Variants in PPP2R5C observed in about 807,000 individuals in gnomAD.
PPP2R5C encodes protein phosphatase 2 regulatory subunit B'gamma, also known as serine/threonine-protein phosphatase 2A 56 kDa regulatory subunit gamma isoform.
PPP2R5C carries 7 observed loss-of-function variants against 68.9 expected under a neutral mutation model. That is an observed-to-expected ratio of 0.10 (90% CI 0.06 to 0.19). The LOEUF (loss-of-function observed/expected upper bound fraction) is 0.19, where lower values mean the gene tolerates loss of function less well. Among genes scored for constraint, PPP2R5C ranks in the 10% least tolerant of loss-of-function variants. The probability of loss-of-function intolerance (pLI) is 1.00; values close to 1 mark genes in which losing one functional copy is unlikely to be tolerated. For missense variants in PPP2R5C, 348 were observed against 641.3 expected (o/e 0.54, Z 4.94); for synonymous variants, 210 against 222.2 (o/e 0.95, Z 0.49).
chr14:101,841,620 G>T (rs2041477776), intron 1 of PPP2R5C, among the ~76,000 whole-genome samples: 1 of 152,244 alleles, frequency 6.6e-6, no homozygotes, highest in South Asian at 2.1e-4. Context: ...AAAGGGGGTT[G>T]CCCACGGTCA....
At chr14:101,828,928 C>G (rs1263140667) in intron 1 of PPP2R5C, among the ~76,000 whole-genome samples, 1 of 152,182 alleles carries the variant, frequency 6.6e-6, no homozygotes, top group Non-Finnish European at 1.5e-5. Flanking sequence ...ATCCACCCGC[C>G]TCGGCTTCTC....
chr14:101,908,010 G>A (rs768527311), intron 10 of PPP2R5C, among the ~76,000 whole-genome samples: 1 of 152,210 alleles, frequency 6.6e-6, no homozygotes, highest in Non-Finnish European at 1.5e-5. Context: ...GAGTGAGGAT[G>A]ACTTTGGTTC....
rs187678652 is a variant in PPP2R5C, at chr14:101,864,022, A to G, written c.294+7137A>G. Among the ~76,000 whole-genome samples, 423 of 152,330 alleles carry G rather than the reference A, an allele frequency of 2.8e-3. 9 individuals are homozygous for G. The South Asian group carries it at 0.06, about 21-fold the overall frequency. On this transcript the variant is annotated intron_variant, in intron 2 of 13. Coordinates refer to ENST00000334743, the Ensembl canonical transcript of PPP2R5C. ...CATCCTCAGGCAAGCCAAAACTTCA[A>G]TAACTGTTTTGAATAATCGTCCTGC...
Position 101,906,586 on chromosome 14 carries a change from C to A in PPP2R5C, c.1151+57C>A. 6.6e-7 allele frequency: 1 copy of A among 1,524,014 alleles called. No individual in the cohort carries two copies. Among genetic ancestry groups the A allele is most frequent in the Non-Finnish European group, 8.9e-7 (1 of 1,126,636 alleles). The allele number at this position is 1,524,014 out of a possible 1,614,324, so 94.4% of individuals were successfully genotyped here. On this transcript the variant is annotated intron_variant, in intron 10 of 13. Coordinates refer to ENST00000334743, the Ensembl canonical transcript of PPP2R5C. This position sits in a 1 kb window ranked among gnomAD's most constrained non-coding sequence, Gnocchi z 4.0. ...TCATTTTAAAATATGGCACGTTTTA[C>A]TGCTACTTCAGTAAGAATAAATATC...
chr14:101,840,627 G>C (rs755210731), intron 1 of PPP2R5C, among the ~76,000 whole-genome samples: 11 of 151,734 alleles, frequency 7.2e-5, no homozygotes, highest in Admixed American at 6.6e-5. Context: ...AAACAGATTG[G>C]CCCCCCCATG....
intron 1 of PPP2R5C, among the ~76,000 whole-genome samples, chr14:101,831,396 C>T (rs942468054): frequency 6.6e-6 from 1 of 152,152 alleles, no homozygotes; most frequent in African/African-American, 2.4e-5. Context: ...AACTAGAAGC[C>T]AGTTAGGAGG....
At chr14:101,765,359 A>G (rs971117986) in intron 2 of PPP2R5C, 2 of 658,836 alleles carry the variant, frequency 3.0e-6, no homozygotes, top group Non-Finnish European at 5.5e-6. Flanking sequence ...TGACCCTTAA[A>G]TTTTATTATT....
chr14:101,900,048 G>A (rs1166007816), intron 8 of PPP2R5C, among the ~76,000 whole-genome samples: 1 of 151,520 alleles, frequency 6.6e-6, no homozygotes, highest in African/African-American at 2.4e-5. Context: ...CACCACACCA[G>A]GCTAATTTTT....
intron 2 of PPP2R5C, among the ~76,000 whole-genome samples, chr14:101,865,223 A>ACACT (rs1240517389): frequency 6.6e-6 from 1 of 152,204 alleles, no homozygotes; most frequent in Non-Finnish European, 1.5e-5. Flanking sequence ...ACTGTTGTTT[A>ACACT]CACTCACAAG....
chr14:101,924,996 C>A (rs2047219742), intron 13 of PPP2R5C, 145 bp from the exon 16 acceptor site: 8 of 893,474 alleles, frequency 9.0e-6, no homozygotes, highest in Admixed American at 4.5e-5. Context: ...ATAAGACCTA[C>A]GCCGTTTCCC....
chr14:101,923,879 C>G (rs1054643544), intron 13 of PPP2R5C, among the ~76,000 whole-genome samples: 1 of 117,876 alleles, frequency 8.5e-6, no homozygotes, highest in Non-Finnish European at 1.8e-5. Flanking sequence ...ACATCCATGT[C>G]AAAATCAGAC....
intron 1 of PPP2R5C, among the ~76,000 whole-genome samples, chr14:101,850,749 C>A (rs1258897058): frequency 6.6e-6 from 1 of 152,138 alleles, no homozygotes; most frequent in Non-Finnish European, 1.5e-5. Context: ...ACAGGAGACA[C>A]TAGAAGTCAT....
intron 1 of PPP2R5C, chr14:101,824,618 C>T (rs553291709): frequency 6.4e-6 from 1 of 157,078 alleles, no homozygotes; most frequent in East Asian, 1.9e-4. Flanking sequence ...CAACATGATA[C>T]CTAACACAGA....
At chr14:101,785,165 G>T (rs910173790) in intron 2 of PPP2R5C, among the ~76,000 whole-genome samples, 2 of 152,150 alleles carry the variant, frequency 1.3e-5, no homozygotes, top group Non-Finnish European at 2.9e-5. Context: ...GTTTCCTGGG[G>T]CTCAAGGGGA....
chr14:101,844,686 G>T (rs1423996095), intron 1 of PPP2R5C, among the ~76,000 whole-genome samples: 3 of 152,180 alleles, frequency 2.0e-5, no homozygotes, highest in Non-Finnish European at 4.4e-5. Context: ...TGTATTTTCA[G>T]TGTATCTTTT....
Position 101,915,427 on chromosome 14 carries a change from C to G in PPP2R5C, c.1327-2404C>G, listed in dbSNP as rs115727845. Reference sequence around the variant, plus strand: ...AGTCAGAACCCTCTCCTGCCAGTGCCCGCTGTGTGAGGTTTATTTTGCTGT... The same window carrying G: ...AGTCAGAACCCTCTCCTGCCAGTGCGCGCTGTGTGAGGTTTATTTTGCTGT... On this transcript the variant is annotated intron_variant, in intron 12 of 13. Transcript: ENST00000334743. This position sits in a 1 kb window ranked among gnomAD's most constrained non-coding sequence, Gnocchi z 4.2. Among the ~76,000 whole-genome samples, 640 of 152,234 alleles carry G rather than the reference C, an allele frequency of 4.2e-3. 7 individuals are homozygous for G. Among genetic ancestry groups the G allele is most frequent in the African/African-American group, 0.015 (609 of 41,552 alleles).
intron 1 of PPP2R5C, among the ~76,000 whole-genome samples, chr14:101,821,879 G>T (rs932066154): frequency 6.6e-6 from 1 of 152,188 alleles, no homozygotes; most frequent in African/African-American, 2.4e-5. Flanking sequence ...GTGAAACCAT[G>T]TTGTCTGATT....
rs139162087 is a variant in PPP2R5C, at chr14:101,861,303, C to A, written c.294+4418C>A. On this transcript the variant is annotated intron_variant, in intron 2 of 13. Coordinates refer to ENST00000334743, the Ensembl canonical transcript of PPP2R5C. ...CCCCAAATTAGGAAACGTAGAGTCTCTTCTAAATCGGGATTCTCATCCAAA... is the reference window on the plus strand; with the variant it reads ...CCCCAAATTAGGAAACGTAGAGTCTATTCTAAATCGGGATTCTCATCCAAA... Among the ~76,000 whole-genome samples, 290 of 152,284 alleles carry A rather than the reference C, an allele frequency of 1.9e-3. 1 individual carries two copies. Among genetic ancestry groups the A allele is most frequent in the Non-Finnish European group, 6.3e-4 (43 of 68,030 alleles).
chr14:101,831,560 G>C, intron 1 of PPP2R5C: 1 of 493,388 alleles, frequency 2.0e-6, no homozygotes. Context: ...TTATCATCCT[G>C]TCTGAGTTGT....
Sources: gnomAD v4.1 joint callset for allele counts (sites outside exome capture counted in the v4.1 genomes callset) on GRCh38, gnomAD v4.1.1 for gene constraint, Gnocchi (gnomAD v3.1) non-coding constraint, MANE v1.5 for transcripts, NCBI Gene and HGNC (gene_info 2026-07-23, HGNC 2026-07-21) for gene names.